The following SPOPL variants were observed in gnomAD, a reference collection of about 807,000 sequenced individuals.
The protein encoded by SPOPL is speckle-type POZ protein-like.
A neutral mutation model predicts 53.8 loss-of-function variants in SPOPL; 23 were observed. That is an observed-to-expected ratio of 0.43 (90% CI 0.31 to 0.61). The LOEUF (loss-of-function observed/expected upper bound fraction) is 0.61. Ranked by LOEUF, SPOPL falls within the 20% of genes least tolerant of loss-of-function variation. The probability of loss-of-function intolerance (pLI) is 0.12; values close to 1 mark genes in which losing one functional copy is unlikely to be tolerated. For missense variants in SPOPL, 442 were observed against 466.9 expected (o/e 0.95, Z 0.49); for synonymous variants, 164 against 149.7 (o/e 1.10, Z -0.70).
intron 1 of SPOPL, among the ~76,000 whole-genome samples, chr2:138,535,652 T>C (rs1040828431): frequency 2.0e-5 from 3 of 151,154 alleles, no homozygotes; most frequent in African/African-American, 7.3e-5. Flanking sequence ...TTGATTGAGC[T>C]CCTTAAATGT....
intron 1 of SPOPL, among the ~76,000 whole-genome samples, chr2:138,522,976 A>C (rs1477840799): frequency 1.3e-5 from 2 of 152,226 alleles, no homozygotes; most frequent in African/African-American, 4.8e-5. Flanking sequence ...CCTTACAGAA[A>C]TTAATAAACT....
chr2:138,541,269 G>T (rs1685065504), intron 1 of SPOPL, among the ~76,000 whole-genome samples: 1 of 152,174 alleles, frequency 6.6e-6, no homozygotes, highest in Non-Finnish European at 1.5e-5. Context: ...AAATGAGTTA[G>T]GGAGGATTCC....
At chr2:138,545,155 G>T (rs562901308) in intron 1 of SPOPL, among the ~76,000 whole-genome samples, 3 of 152,262 alleles carry the variant, frequency 2.0e-5, no homozygotes, top group East Asian at 3.9e-4. Flanking sequence ...CCTTCAGTCA[G>T]TCCTTCAGGG....
chr2:138,552,681 G>A lies in SPOPL; in HGVS notation c.480G>A (p.Glu160=). 1 of 1,610,824 alleles carries A rather than the reference G, an allele frequency of 6.2e-7. No homozygotes were observed. Among genetic ancestry groups the A allele is most frequent in the Non-Finnish European group, 8.5e-7 (1 of 1,178,534 alleles). The change falls in exon 5 of 11, where the codon GAG becomes GAA. Residue 160 remains glutamate (E), a splice_region_variant and synonymous_variant. Coordinates refer to ENST00000280098, the MANE Select transcript of SPOPL (RefSeq NM_001001664.3). ...LPDDKLTLFC[E]VSVVQDSVNI... ...ATGACAAGCTTACATTATTTTGTGA[G>A]GTGGGTACATCTTTTATTCTAAGAA...
chr2:138,572,077 A>G lies in SPOPL; in HGVS notation c.*2997A>G, dbSNP rs936185440. ...TATTTGCTTGGGGCTTGTGTGTGGT[A>G]TGTTACAAAGAGTGAATTTCTGGAA... On this transcript the variant is annotated 3_prime_UTR_variant, in exon 11 of 11. Coordinates refer to ENST00000280098, the MANE Select transcript of SPOPL (RefSeq NM_001001664.3). 1 of 152,246 alleles carries G rather than the reference A, an allele frequency of 6.6e-6. No homozygotes were observed. Among genetic ancestry groups the G allele is most frequent in the Non-Finnish European group, 1.5e-5 (1 of 67,936 alleles). 9.4% of individuals were successfully genotyped at this position (152,246 alleles called of 1,614,324 possible). A position where few individuals can be genotyped will look rare whatever the true frequency, so the allele number is the denominator to read the frequency against.
chr2:138,523,383 G>A (rs1449762111), intron 1 of SPOPL, among the ~76,000 whole-genome samples: 3 of 152,098 alleles, frequency 2.0e-5, no homozygotes, highest in Non-Finnish European at 2.9e-5. Context: ...GCTATAAGAT[G>A]AGATTTGTGT....
chr2:138,520,934 GTCTTT>G (rs1558864074), intron 1 of SPOPL, among the ~76,000 whole-genome samples: 22 of 151,890 alleles, frequency 1.4e-4, no homozygotes. Context: ...ACTGGGCTTC[GTCTTT>G]TCTTATATGC....
intron 1 of SPOPL, among the ~76,000 whole-genome samples, chr2:138,510,126 A>G (rs550638724): frequency 1.3e-5 from 2 of 152,340 alleles, no homozygotes; most frequent in East Asian, 1.9e-4. Context: ...TGACCTACTA[A>G]AGGACATCTT....
At chr2:138,513,358 A>G (rs1369834243) in intron 1 of SPOPL, among the ~76,000 whole-genome samples, 1 of 152,026 alleles carries the variant, frequency 6.6e-6, no homozygotes, top group African/African-American at 2.4e-5. Flanking sequence ...ATTTGAGACT[A>G]GCCTGGCAAC....
At position 138,525,485 on chromosome 2, in the gene SPOPL, A is replaced by G. The variant is rs1029235076; in HGVS notation, c.-61+23366A>G. On this transcript the variant is annotated intron_variant, in intron 1 of 10. Coordinates refer to ENST00000280098, the MANE Select transcript of SPOPL (RefSeq NM_001001664.3). Reference sequence around the variant, plus strand: ...CCAGATAATTGACATACTGTGTTATATACTGCTTTTTTTTCCTACTTAATA... The same window carrying G: ...CCAGATAATTGACATACTGTGTTATGTACTGCTTTTTTTTCCTACTTAATA... Among the ~76,000 whole-genome samples, 25 of 152,158 alleles carry G rather than the reference A, an allele frequency of 1.6e-4. 1 individual carries two copies. Among genetic ancestry groups the G allele is most frequent in the Middle Eastern group, 3.4e-3 (1 of 294 alleles).
intron 4 of SPOPL, among the ~76,000 whole-genome samples, chr2:138,551,634 T>G (rs2104892816): frequency 6.6e-6 from 1 of 152,134 alleles, no homozygotes; most frequent in East Asian, 1.9e-4. Flanking sequence ...GGCAGGAGAA[T>G]AATATTTTCT....
At chr2:138,518,954 T>C (rs952695010) in intron 1 of SPOPL, among the ~76,000 whole-genome samples, 9 of 152,220 alleles carry the variant, frequency 5.9e-5, no homozygotes, top group African/African-American at 1.9e-4. Flanking sequence ...ATTTATTGAG[T>C]GCTTTCTATT....
rs34021497 is a variant in SPOPL, at chr2:138,548,239, C to CTT, written c.-60-1899_-60-1898dup. Among the ~76,000 whole-genome samples, 8 of 88,982 alleles carry CTT rather than the reference C, an allele frequency of 9.0e-5. No homozygotes were observed. In the East Asian group the frequency reaches 2.3e-3, roughly 26 times the overall value. The allele number at this position is 88,982 out of a possible 152,430, so 58.4% of individuals were successfully genotyped here. On this transcript the variant is annotated intron_variant, in intron 1 of 10. Coordinates refer to ENST00000280098, the MANE Select transcript of SPOPL (RefSeq NM_001001664.3). ...TTCATTGATTACAAGTGAAGGTAAA[C>CTT]TTTTTTTTTTTTTTTTTTTTGGTAA...
At chr2:138,562,113 A>G (rs1306553850) in intron 8 of SPOPL, among the ~76,000 whole-genome samples, 1 of 152,206 alleles carries the variant, frequency 6.6e-6, no homozygotes, top group African/African-American at 2.4e-5. Context: ...AGTTGTCTTT[A>G]AAATTGATAG....
intron 1 of SPOPL, among the ~76,000 whole-genome samples, chr2:138,541,261 A>G (rs1251430512): frequency 6.6e-6 from 1 of 152,184 alleles, no homozygotes; most frequent in Admixed American, 6.5e-5. Flanking sequence ...GCCTCATAAA[A>G]TGAGTTAGGG....
chr2:138,559,864 G>C (rs1045214598), intron 7 of SPOPL, among the ~76,000 whole-genome samples: 1 of 152,056 alleles, frequency 6.6e-6, no homozygotes, highest in Non-Finnish European at 1.5e-5. Context: ...CATAACTTGT[G>C]AACCGTAGGG....
intron 1 of SPOPL, among the ~76,000 whole-genome samples, chr2:138,513,075 G>T (rs1684361227): frequency 6.6e-6 from 1 of 152,228 alleles, no homozygotes; most frequent in South Asian, 2.1e-4. Flanking sequence ...TGATGGTGGT[G>T]AAGGGGGAGA....
chr2:138,544,730 C>T (rs900854219), intron 1 of SPOPL, among the ~76,000 whole-genome samples: 55 of 152,336 alleles, frequency 3.6e-4, no homozygotes, highest in Non-Finnish European at 7.1e-4. Context: ...CGGTGCGCTG[C>T]ACCCACTGTC....
At chr2:138,561,654 G>A (rs1201835098) in intron 8 of SPOPL, among the ~76,000 whole-genome samples, 1 of 152,080 alleles carries the variant, frequency 6.6e-6, no homozygotes, top group Non-Finnish European at 1.5e-5. Flanking sequence ...ATCTATGACT[G>A]TCTCAATAAA....
Sources: gnomAD v4.1 joint callset for allele counts (sites outside exome capture counted in the v4.1 genomes callset) on GRCh38, gnomAD v4.1.1 for gene constraint, MANE v1.5 for transcripts, NCBI Gene and HGNC (gene_info 2026-07-23, HGNC 2026-07-21) for gene names.